Variants in PRELID2 observed in about 807,000 individuals in gnomAD.
PRELID2 encodes the protein PRELI domain containing 2.
PRELID2 carries 25 observed loss-of-function variants against 28.4 expected under a neutral mutation model. That is an observed-to-expected ratio of 0.88 (90% CI 0.64 to 1.23). PRELID2 has a LOEUF of 1.23. Among genes scored for constraint, PRELID2 ranks in the 50% most tolerant of loss-of-function variants. The probability of loss-of-function intolerance (pLI) is 0.00; values close to 1 mark genes in which losing one functional copy is unlikely to be tolerated. For missense variants in PRELID2, 201 were observed against 214.4 expected (o/e 0.94, Z 0.39); for synonymous variants, 76 against 71.6 (o/e 1.06, Z -0.31).
chr5:145,742,689 T>C lies in PRELID2; in HGVS notation n.70+22242A>G, dbSNP rs188679052. ...AATAATCTAAGTTCCCACCTCAAGA[T>C]CAAGAAAAAGAAGAGAAAATTAAGC... is the stretch of plus-strand genomic sequence containing the variant. On this transcript the variant is annotated intron_variant and non_coding_transcript_variant, in intron 1 of 2. Transcript: ENST00000510259. 6.0e-5 allele frequency among the ~76,000 whole-genome samples: 9 copies of C among 149,560 alleles called. No individual in the cohort carries two copies. The Admixed American group carries it at 6.0e-4, about 10-fold the overall frequency.
chr5:145,819,361 T>C, intron 3 of PRELID2: 1 of 1,570,164 alleles, frequency 6.4e-7, no homozygotes, highest in Non-Finnish European at 8.8e-7. Context: ...AGCAATGTGA[T>C]TAAAAATTTC....
the PRELID2 span, among the ~76,000 whole-genome samples, chr5:145,255,500 G>T: frequency 1.3e-5 from 2 of 152,084 alleles, no homozygotes; most frequent in African/African-American, 4.8e-5. Flanking sequence ...TTGGCTCGGT[G>T]CAGTGGCTCA....
At chr5:145,767,866 A>G (rs1757861341) in intron 5 of PRELID2, among the ~76,000 whole-genome samples, 1 of 152,188 alleles carries the variant, frequency 6.6e-6, no homozygotes, top group South Asian at 2.1e-4. Context: ...TTGATGAAAC[A>G]GGTTATCCTT....
intron 5 of PRELID2, among the ~76,000 whole-genome samples, chr5:145,781,075 C>T (rs986811122): frequency 6.6e-6 from 1 of 152,226 alleles, no homozygotes; most frequent in African/African-American, 2.4e-5. Flanking sequence ...CTCCTCCCCA[C>T]CGCCTTCCTG....
the PRELID2 span, among the ~76,000 whole-genome samples, chr5:145,342,902 T>TAAAA: frequency 2.3e-5 from 3 of 128,950 alleles, no homozygotes; most frequent in African/African-American, 8.8e-5. Flanking sequence ...TCAAAAACAG[T>TAAAA]AAAAAAAAAA....
chr5:145,802,716 C>T (rs943490816), intron 4 of PRELID2, among the ~76,000 whole-genome samples: 3 of 152,128 alleles, frequency 2.0e-5, no homozygotes, highest in Non-Finnish European at 4.4e-5. Context: ...GCTTTGTCCA[C>T]TTAGTGGGTG....
downstream of PRELID2, among the ~76,000 whole-genome samples, chr5:145,752,291 C>T: frequency 6.6e-6 from 1 of 152,182 alleles, no homozygotes; most frequent in East Asian, 1.9e-4. Context: ...AAACAAGTTA[C>T]AATGCTGGCT....
Position 145,728,016 on chromosome 5 carries a change from G to T in PRELID2, n.70+36915C>A, listed in dbSNP as rs1756223785. Among the ~76,000 whole-genome samples the T allele has an allele frequency of 4.6e-5, 7 of 152,142 alleles. 1 individual carries two copies. Among genetic ancestry groups the T allele is most frequent in the Admixed American group, 3.3e-4 (5 of 15,270 alleles). On this transcript the variant is annotated intron_variant and non_coding_transcript_variant, in intron 1 of 2. Transcript: ENST00000510259. ...TGTTCATTTTATACTTTCCCTCTCA[G>T]ATTTTGACTGGACTTTGAGCCATAG...
At chr5:145,696,983 G>A (rs1755282477) in intron 1 of PRELID2, among the ~76,000 whole-genome samples, 1 of 138,772 alleles carries the variant, frequency 7.2e-6, no homozygotes, top group Non-Finnish European at 1.5e-5. Context: ...AATGATAGAG[G>A]CAGGGGGTAC....
chr5:145,408,465 A>G, the PRELID2 span, among the ~76,000 whole-genome samples: 29 of 142,590 alleles, frequency 2.0e-4, no homozygotes, highest in Non-Finnish European at 3.5e-4. Context: ...TATATGTATA[A>G]TATATATATG....
the PRELID2 span, among the ~76,000 whole-genome samples, chr5:145,371,430 G>A: frequency 6.6e-6 from 1 of 152,092 alleles, no homozygotes; most frequent in East Asian, 1.9e-4. Flanking sequence ...ACTAGTGTAT[G>A]TTGAACCAGG....
At chr5:145,808,076 T>C (rs1242201047) in intron 4 of PRELID2, among the ~76,000 whole-genome samples, 1 of 152,246 alleles carries the variant, frequency 6.6e-6, no homozygotes, top group East Asian at 1.9e-4. Context: ...TTTCTGCTAA[T>C]TGTTTGATTA....
chr5:145,371,887 A>T, the PRELID2 span, among the ~76,000 whole-genome samples: 1 of 61,386 alleles, frequency 1.6e-5, no homozygotes, highest in Non-Finnish European at 3.1e-5. Context: ...TTGTTAATTT[A>T]AAAAAAAAAA....
intron 5 of PRELID2, among the ~76,000 whole-genome samples, chr5:145,775,260 G>A (rs77910796): frequency 0.035 from 5,315 of 151,862 alleles, 148 homozygotes; most frequent in East Asian, 0.079. Context: ...AGAAACAGTA[G>A]CATAATCCAG....
the PRELID2 span, among the ~76,000 whole-genome samples, chr5:145,238,963 CTCTATCTATCTA>C: frequency 7.2e-5 from 11 of 151,828 alleles, no homozygotes; most frequent in Non-Finnish European, 5.9e-5. Context: ...ATCTATCTGT[CTCTATCTATCTA>C]TCTATCTATC....
At chr5:145,436,687 A>G in the PRELID2 span, among the ~76,000 whole-genome samples, 48 of 151,910 alleles carry the variant, frequency 3.2e-4, 1 homozygote, top group Admixed American at 3.2e-3. Context: ...GCATTTTTTC[A>G]TATGTTTGCT....
intron 1 of PRELID2, among the ~76,000 whole-genome samples, chr5:145,628,967 A>G (rs1391612819): frequency 6.6e-6 from 1 of 152,234 alleles, no homozygotes; most frequent in East Asian, 1.9e-4. Context: ...AAAGAAATTC[A>G]GAAAATGGGC....
the PRELID2 span, among the ~76,000 whole-genome samples, chr5:145,244,417 G>A: frequency 5.3e-5 from 8 of 152,054 alleles, no homozygotes; most frequent in East Asian, 3.9e-4. Flanking sequence ...GGTGCTCCTC[G>A]AACATCTACA....
At chr5:145,357,774 C>T in the PRELID2 span, among the ~76,000 whole-genome samples, 7 of 152,076 alleles carry the variant, frequency 4.6e-5, no homozygotes, top group Non-Finnish European at 7.4e-5. Context: ...GGTTAAGAAC[C>T]ATTGCTGAGG....
Sources: gnomAD v4.1 joint callset for allele counts (sites outside exome capture counted in the v4.1 genomes callset) on GRCh38, gnomAD v4.1.1 for gene constraint, MANE v1.5 for transcripts, NCBI Gene and HGNC (gene_info 2026-07-23, HGNC 2026-07-21) for gene names.